ACACB: variants seen among roughly 807,000 people sequenced by gnomAD.
ACACB encodes the protein acetyl-CoA carboxylase beta, also known as acetyl-CoA carboxylase 2.
A neutral mutation model predicts 278.8 loss-of-function variants in ACACB; 209 were observed. That is an observed-to-expected ratio of 0.75 (90% CI 0.67 to 0.84). ACACB has a LOEUF of 0.84. ACACB is among the 40% of genes least tolerant of loss of function. The pLI is 0.00. For synonymous variants in ACACB, 1,174 were observed against 1,285.6 expected (o/e 0.91, Z 1.86); for missense variants, 2,850 against 3,269.0 (o/e 0.87, Z 3.13).
intron 1 of ACACB, among the ~76,000 whole-genome samples, chr12:109,120,991 G>T (rs2042535196): frequency 6.6e-6 from 1 of 152,152 alleles, no homozygotes; most frequent in African/African-American, 2.4e-5. Context: ...CCAGGCTGGG[G>T]TGCAGTGGCG....
intron 3 of ACACB, 100 bp downstream of exon 3, chr12:109,167,093 C>A: frequency 6.5e-7 from 1 of 1,532,404 alleles, no homozygotes; most frequent in Non-Finnish European, 8.9e-7. Flanking sequence ...CTCATTCTGC[C>A]TGCTGCAGAG....
At chr12:109,157,567 G>A (rs1290583351) in intron 2 of ACACB, among the ~76,000 whole-genome samples, 3 of 152,202 alleles carry the variant, frequency 2.0e-5, no homozygotes, top group Admixed American at 1.3e-4. Flanking sequence ...CACCATGCCC[G>A]GCTCTTTCTT....
intron 2 of ACACB, among the ~76,000 whole-genome samples, chr12:109,148,102 C>T (rs1470930378): frequency 6.6e-6 from 1 of 152,200 alleles, no homozygotes; most frequent in African/African-American, 2.4e-5. Flanking sequence ...TCTCTCCTCC[C>T]ATCTCCTCCC....
chr12:109,219,949 C>A (rs1407307884), intron 24 of ACACB, among the ~76,000 whole-genome samples: 1 of 152,116 alleles, frequency 6.6e-6, no homozygotes, highest in East Asian at 1.9e-4. Flanking sequence ...AAAATACATT[C>A]TTTGGATGGA....
intron 20 of ACACB, among the ~76,000 whole-genome samples, chr12:109,208,852 T>C (rs2045596709): frequency 6.6e-6 from 1 of 152,216 alleles, no homozygotes; most frequent in Non-Finnish European, 1.5e-5. Flanking sequence ...CCTAGAACAC[T>C]GTCTGGCACT....
At chr12:109,167,771 A>T in intron 3 of ACACB, 125 bp from the exon 4 acceptor site, 1 of 1,421,968 alleles carries the variant, frequency 7.0e-7, no homozygotes, top group Non-Finnish European at 9.6e-7. Context: ...TAGAAATACC[A>T]AGAGGAATGA....
rs142275188 is a variant in ACACB at position 109,260,511 on chromosome 12, C to T, written c.6528C>T (p.Ala2176=). The stretch of plus-strand genomic sequence containing the variant: ...ATGACCAGGTGCTGAAGTTTGGAGC[C>T]TACATCGTGGACGGCCTTAGACAAT... ...DMYDQVLKFG[A]YIVDGLRQYK... The change falls in exon 48 of 53, where the codon GCC becomes GCT. Residue 2176 remains alanine, a synonymous_variant. Coordinates refer to ENST00000338432, the MANE Select transcript of ACACB (RefSeq NM_001093.4). 2 of 1,614,076 alleles carry T rather than the reference C, an allele frequency of 1.2e-6. No homozygotes were observed. The highest frequency in any genetic ancestry group is 2.7e-5 in the African/African-American group (2 of 74,918).
chr12:109,245,469 C>T (rs1305582046), intron 37 of ACACB, among the ~76,000 whole-genome samples, 157 bp from the exon 38 acceptor site: 1 of 152,126 alleles, frequency 6.6e-6, no homozygotes, highest in East Asian at 1.9e-4. Context: ...TGGATGGGTG[C>T]TCATATTTAA....
intron 4 of ACACB, among the ~76,000 whole-genome samples, chr12:109,171,569 C>T (rs1225183011): frequency 1.3e-5 from 2 of 151,218 alleles, no homozygotes; most frequent in African/African-American, 4.9e-5. Flanking sequence ...AGGCCGGTTT[C>T]GAACTCCTGG....
intron 40 of ACACB, chr12:109,248,954 T>C (rs1394536749): frequency 6.6e-6 from 1 of 152,184 alleles, no homozygotes; most frequent in Non-Finnish European, 1.5e-5. Flanking sequence ...CTGTAGACCG[T>C]TGGAGGAATA....
chr12:109,208,217 A>ATT (rs36059668), intron 20 of ACACB, among the ~76,000 whole-genome samples: 6 of 138,948 alleles, frequency 4.3e-5, no homozygotes, highest in Non-Finnish European at 7.8e-5. Context: ...CCATTGCAAC[A>ATT]TTTTTTTTTT....
chr12:109,195,195 G>T (rs1286829925), intron 16 of ACACB, among the ~76,000 whole-genome samples: 3 of 152,228 alleles, frequency 2.0e-5, no homozygotes, highest in Non-Finnish European at 4.4e-5. Flanking sequence ...ATGGCAGGAG[G>T]CTGTGTCCCC....
At chr12:109,117,956 G>A (rs1046531788) in intron 1 of ACACB, among the ~76,000 whole-genome samples, 1 of 152,122 alleles carries the variant, frequency 6.6e-6, no homozygotes, top group East Asian at 1.9e-4. Context: ...CACTGTGTTA[G>A]CCAGGATGGT....
intron 39 of ACACB, among the ~76,000 whole-genome samples, chr12:109,247,288 G>T (rs7300508): frequency 0.78 from 117,720 of 151,880 alleles, 46,091 homozygotes; most frequent in Middle Eastern, 0.85. Flanking sequence ...CAATAAAATA[G>T]TTTTTAACAT....
chr12:109,262,553 A>C (rs1381645900), intron 49 of ACACB, 84 bp downstream of exon 49: 4 of 766,556 alleles, frequency 5.2e-6, no homozygotes, highest in Non-Finnish European at 8.6e-6. Flanking sequence ...GGATGTTAAA[A>C]ATAAAATGAA....
intron 11 of ACACB, among the ~76,000 whole-genome samples, chr12:109,181,414 G>T (rs766768233): frequency 1.3e-5 from 2 of 151,850 alleles, no homozygotes; most frequent in Admixed American, 6.6e-5. Flanking sequence ...TTTTAGTAGA[G>T]ATGGGGTTTC....
rs2043859419 is a variant in ACACB, at chr12:109,165,253, GT to G, written c.654-1607del. ...AGCAAAGGGAAGCCCCAAAACAATG[GT>G]GATGTAGGGGCCTAGAGGACAGCCA... On this transcript the variant is annotated intron_variant, in intron 2 of 52. Coordinates refer to ENST00000338432, the MANE Select transcript of ACACB (RefSeq NM_001093.4). 4.6e-5 allele frequency among the ~76,000 whole-genome samples: 7 copies of G among 152,286 alleles called. No homozygotes were observed. The South Asian group carries it at 8.3e-4, about 18-fold the overall frequency.
rs1306520641 is a variant in ACACB at position 109,233,807 on chromosome 12, G to A, written c.4199G>A (p.Ser1400Asn). ...ANVPKDTPLFSEARTSLYSED... is the reference protein window; with the variant it reads ...ANVPKDTPLFNEARTSLYSED... ...GTGCCCAAAGACACCCCCCTCTTCA[G>A]CGAGGCCCGCACCTCCCTATACTCC... The change falls in exon 30 of 53, where the codon AGC becomes AAC. Residue 1400 changes from serine to asparagine, a missense_variant. This residue lies in a region of ACACB where 2,265 missense variants were observed against 2,561.3 expected (regional missense o/e 0.88). Coordinates refer to ENST00000338432, the MANE Select transcript of ACACB (RefSeq NM_001093.4). The A allele has an allele frequency of 6.2e-7, 1 of 1,614,132 alleles. No individual in the cohort carries two copies. The highest frequency in any genetic ancestry group is 2.2e-5 in the East Asian group (1 of 44,878).
chr12:109,140,284 T>C (rs142222871), intron 2 of ACACB, among the ~76,000 whole-genome samples: 2 of 82,166 alleles, frequency 2.4e-5, no homozygotes, highest in Admixed American at 1.2e-4. Context: ...CCTTCCTTCC[T>C]TCCTTCCTTC....
Sources: allele counts gnomAD v4.1 joint callset (sites outside exome capture counted in the v4.1 genomes callset), GRCh38; gene constraint gnomAD v4.1.1; regional missense constraint gnomAD v4.1.1; transcripts MANE v1.5; gene names NCBI Gene and HGNC (gene_info 2026-07-23, HGNC 2026-07-21).